SUSD1: variants seen among roughly 807,000 people sequenced by gnomAD.
SUSD1 encodes the protein sushi domain-containing protein 1.
A neutral mutation model predicts 86.9 loss-of-function variants in SUSD1; 65 were observed. That is an observed-to-expected ratio of 0.75 (90% CI 0.61 to 0.92). The LOEUF (loss-of-function observed/expected upper bound fraction) is 0.92, where lower values mean the gene tolerates loss of function less well. SUSD1 is among the 40% of genes least tolerant of loss of function. SUSD1 has a pLI of 0.00. For synonymous variants in SUSD1, 346 were observed against 350.0 expected, an observed-to-expected ratio of 0.99 and a Z score of 0.13; for missense variants, 850 against 929.7, an observed-to-expected ratio of 0.91 and a Z score of 1.11.
intron 9 of SUSD1, among the ~76,000 whole-genome samples, chr9:112,099,221 A>G (rs1830527660): frequency 6.6e-6 from 1 of 152,046 alleles, no homozygotes; most frequent in Admixed American, 6.6e-5. Context: ...TATTTTTACA[A>G]TTAATTTGTA....
intron 10 of SUSD1, among the ~76,000 whole-genome samples, chr9:112,097,885 A>T (rs999191808): frequency 6.6e-5 from 10 of 152,184 alleles, no homozygotes; most frequent in Non-Finnish European, 8.8e-5. Flanking sequence ...TAAAGAACAA[A>T]AGAAATAGTA....
chr9:112,173,513 C>G, intron 1 of SUSD1: 1 of 240,718 alleles, frequency 4.2e-6, no homozygotes, highest in South Asian at 5.3e-5. Flanking sequence ...CGTTGGCAGA[C>G]ACAGATCTCT....
chr9:112,151,597 A>C (rs1053704671), intron 2 of SUSD1, among the ~76,000 whole-genome samples: 3 of 140,322 alleles, frequency 2.1e-5, no homozygotes, highest in African/African-American at 8.4e-5. Context: ...ATTCCATCTC[A>C]AAAAAAAAAA....
chr9:112,168,616 T>C (rs1338402713), intron 1 of SUSD1, among the ~76,000 whole-genome samples: 1 of 152,138 alleles, frequency 6.6e-6, no homozygotes, highest in South Asian at 2.1e-4. Flanking sequence ...ACTTTAATAG[T>C]ACAGTAAAGA....
At position 112,078,598 on chromosome 9, in the gene SUSD1, T is replaced by C. The variant is rs2131553920; in HGVS notation, c.1693A>G (p.Ser565Gly). Residue 565 changes from serine to glycine, a missense_variant, in exon 12 of 17, where the codon AGT becomes GGT. Ser to Gly is a moderately conservative substitution (Grantham distance 56). Coordinates refer to ENST00000374270, the MANE Select transcript of SUSD1 (RefSeq NM_022486.5). ...DLRPGTNYNV[S>G]LRALSSELPV... is the part of the protein sequence containing the mutation. ...AGTTCCGAAGACAGAGCCCGGAGACTGACATTGTAGTTGGTACCCGGACGT... is the reference window on the plus strand; with the variant it reads ...AGTTCCGAAGACAGAGCCCGGAGACCGACATTGTAGTTGGTACCCGGACGT... 6.2e-7 allele frequency: 1 copy of C among 1,614,034 alleles called. No individual in the cohort carries two copies. Among genetic ancestry groups the C allele is most frequent in the Admixed American group, 1.7e-5 (1 of 60,018 alleles).
At chr9:112,115,824 G>GAAAAAAAAAAAGA (rs58111856) in intron 6 of SUSD1, among the ~76,000 whole-genome samples, 1 of 120,950 alleles carries the variant, frequency 8.3e-6, no homozygotes, top group Non-Finnish European at 1.6e-5. Context: ...AAAAAAAAAA[G>GAAAAAAAAAAAGA]AAAAAAAAAA....
chr9:112,156,773 T>C (rs964394991), intron 2 of SUSD1, among the ~76,000 whole-genome samples: 1 of 152,094 alleles, frequency 6.6e-6, no homozygotes, highest in East Asian at 1.9e-4. Flanking sequence ...GTATATACCA[T>C]CTATCCACAA....
rs189753028 is a variant in SUSD1, at chr9:112,113,988, C to T, written c.887-1120G>A. On this transcript the variant is annotated intron_variant, in intron 6 of 16. Coordinates refer to ENST00000374270, the MANE Select transcript of SUSD1 (RefSeq NM_022486.5). The surrounding 1 kb of genome is among the most constrained non-coding windows in gnomAD (Gnocchi z 4.1). ...CTACAGACAAGTAAAACTATCTCTA[C>T]TTGCAAATGATACAATCTTATATAC... Among the ~76,000 whole-genome samples the T allele has an allele frequency of 9.2e-5, 14 of 152,148 alleles. No homozygotes were observed. Among genetic ancestry groups the T allele is most frequent in the Admixed American group, 2.6e-4 (4 of 15,266 alleles).
At chr9:112,125,205 T>G (rs1564316915) in intron 5 of SUSD1, among the ~76,000 whole-genome samples, 1 of 152,138 alleles carries the variant, frequency 6.6e-6, no homozygotes, top group Non-Finnish European at 1.5e-5. Context: ...CAGACAGGTT[T>G]TACAGAAAAC....
intron 15 of SUSD1, among the ~76,000 whole-genome samples, chr9:112,046,011 C>T (rs10981227): frequency 0.017 from 2,586 of 152,322 alleles, 73 homozygotes; most frequent in African/African-American, 0.058. Context: ...CTATTCCTTA[C>T]TCTAGACATA....
At chr9:112,119,583 T>C (rs1034499138) in intron 6 of SUSD1, among the ~76,000 whole-genome samples, 1 of 152,204 alleles carries the variant, frequency 6.6e-6, no homozygotes, top group Non-Finnish European at 1.5e-5. Context: ...CTTATAATCA[T>C]TAACTCAGAT....
At chr9:112,138,242 T>TATATATATATATATGTATATACAC (rs1554770302) in intron 5 of SUSD1, among the ~76,000 whole-genome samples, 2,754 of 33,436 alleles carry the variant, frequency 0.082, 625 homozygotes, top group South Asian at 0.18. Flanking sequence ...AATGTGTATA[T>TATATATATATATATGTATATACAC]ATATATATAT....
chr9:112,101,207 C>T (rs1173443932), intron 9 of SUSD1, among the ~76,000 whole-genome samples: 1 of 151,774 alleles, frequency 6.6e-6, no homozygotes, highest in East Asian at 1.9e-4. Flanking sequence ...AATAAAAATA[C>T]AAAAATCAGC....
intron 14 of SUSD1, among the ~76,000 whole-genome samples, chr9:112,053,014 C>T (rs1327608347): frequency 3.9e-5 from 6 of 152,152 alleles, no homozygotes; most frequent in Admixed American, 2.6e-4. Context: ...TCTCTTCCCC[C>T]CTGTCATTAT....
intron 4 of SUSD1, 21 bp from the exon 5 acceptor site, chr9:112,142,520 A>T: frequency 6.2e-7 from 1 of 1,603,624 alleles, no homozygotes; most frequent in Non-Finnish European, 8.5e-7. Context: ...ATTAATGTCA[A>T]ATTCATTACC....
At chr9:112,112,629 G>A (rs1457586113) in intron 7 of SUSD1, 142 bp downstream of exon 7, 4 of 558,774 alleles carry the variant, frequency 7.2e-6, no homozygotes, top group East Asian at 3.3e-5. Flanking sequence ...GAGTGAGACT[G>A]TCTCACAAAA....
At chr9:112,074,566 A>G (rs1174183946) in intron 12 of SUSD1, among the ~76,000 whole-genome samples, 2 of 152,192 alleles carry the variant, frequency 1.3e-5, no homozygotes, top group African/African-American at 4.8e-5. Flanking sequence ...TCCCATCAGT[A>G]AGATTTAACG....
intron 1 of SUSD1, chr9:112,173,766 G>C (rs997283773): frequency 5.9e-6 from 2 of 337,912 alleles, no homozygotes; most frequent in Non-Finnish European, 1.2e-5. Flanking sequence ...CAAGGCCTCA[G>C]CACGTGCACT....
At chr9:112,051,347 G>T (rs1440090338) in intron 15 of SUSD1, among the ~76,000 whole-genome samples, 3 of 151,172 alleles carry the variant, frequency 2.0e-5, no homozygotes, top group African/African-American at 7.3e-5. Flanking sequence ...TTCCACTAGG[G>T]TTCCATGTGG....
Sources: allele counts gnomAD v4.1 joint callset (sites outside exome capture counted in the v4.1 genomes callset), GRCh38; gene constraint gnomAD v4.1.1; non-coding constraint Gnocchi (gnomAD v3.1); transcripts MANE v1.5; gene names NCBI Gene and HGNC (gene_info 2026-07-23, HGNC 2026-07-21).